ADAM12: variants seen among roughly 807,000 people sequenced by gnomAD.
ADAM12 encodes the protein ADAM metallopeptidase domain 12.
A neutral mutation model predicts 106.4 loss-of-function variants in ADAM12; 70 were observed. That is an observed-to-expected ratio of 0.66 (90% confidence interval 0.54 to 0.80). The LOEUF (loss-of-function observed/expected upper bound fraction) is 0.80, where lower values mean the gene tolerates loss of function less well. Ranked by LOEUF, ADAM12 falls within the 30% of genes least tolerant of loss-of-function variation. The pLI is 0.00. For synonymous variants in ADAM12, 420 were observed against 433.5 expected, an observed-to-expected ratio of 0.97 and a Z score of 0.39; for missense variants, 1,010 against 1,171.9, an observed-to-expected ratio of 0.86 and a Z score of 2.02.
At chr10:126,095,450 C>T (rs1050003223) in intron 10 of ADAM12, among the ~76,000 whole-genome samples, 4 of 140,124 alleles carry the variant, frequency 2.9e-5, no homozygotes, top group Admixed American at 8.0e-5. Context: ...AGGAGAATGG[C>T]GTGAACCCGG....
At chr10:126,247,243 C>T (rs549883098) in intron 3 of ADAM12, among the ~76,000 whole-genome samples, 9 of 152,266 alleles carry the variant, frequency 5.9e-5, no homozygotes, top group Admixed American at 3.9e-4. Context: ...GAATCAAATG[C>T]GTCCTTTACT....
intron 1 of ADAM12, among the ~76,000 whole-genome samples, chr10:126,385,673 G>A (rs1856637694): frequency 6.6e-6 from 1 of 152,056 alleles, no homozygotes; most frequent in Non-Finnish European, 1.5e-5. Context: ...TTTTTTTAAT[G>A]ATGGCACTAC....
At chr10:126,144,905 C>T (rs887405923) in intron 4 of ADAM12, among the ~76,000 whole-genome samples, 3 of 152,114 alleles carry the variant, frequency 2.0e-5, no homozygotes, top group Admixed American at 1.3e-4. Flanking sequence ...GTTAAGTGCT[C>T]GAGCTGGGAT....
intron 3 of ADAM12, among the ~76,000 whole-genome samples, chr10:126,258,837 C>A (rs1958944246): frequency 6.6e-6 from 1 of 152,196 alleles, no homozygotes; most frequent in South Asian, 2.1e-4. Flanking sequence ...ATTGCCCATG[C>A]CCGTAAGCAC....
At chr10:126,224,425 C>T (rs1249989327) in intron 3 of ADAM12, among the ~76,000 whole-genome samples, 2 of 152,256 alleles carry the variant, frequency 1.3e-5, no homozygotes, top group Middle Eastern at 3.4e-3. Context: ...GGACTCTTTC[C>T]CCAGGGCCTT....
chr10:126,152,756 A>G (rs976823962), intron 4 of ADAM12, among the ~76,000 whole-genome samples: 2 of 152,152 alleles, frequency 1.3e-5, no homozygotes, highest in African/African-American at 4.8e-5. Flanking sequence ...TTTACATATA[A>G]TGAGATTAAT....
intron 2 of ADAM12, among the ~76,000 whole-genome samples, chr10:126,321,982 A>G (rs1357646379): frequency 6.6e-6 from 1 of 151,562 alleles, no homozygotes; most frequent in Non-Finnish European, 1.5e-5. Context: ...CAGCGAGCTG[A>G]TATCTATGGA....
chr10:126,360,001 C>T (rs1443444600), intron 1 of ADAM12, among the ~76,000 whole-genome samples: 7 of 152,212 alleles, frequency 4.6e-5, no homozygotes, highest in Non-Finnish European at 8.8e-5. Context: ...ACAGGCTCAA[C>T]ACCACATGGA....
At chr10:126,243,080 G>A (rs1958558965) in intron 3 of ADAM12, among the ~76,000 whole-genome samples, 1 of 152,176 alleles carries the variant, frequency 6.6e-6, no homozygotes, top group Non-Finnish European at 1.5e-5. Flanking sequence ...CACCCTGTCA[G>A]CGCGTGCAGA....
chr10:126,032,393 CAG>C (rs1274830724), intron 21 of ADAM12, among the ~76,000 whole-genome samples: 1 of 152,196 alleles, frequency 6.6e-6, no homozygotes, highest in African/African-American at 2.4e-5. Context: ...AAGTTCCAGA[CAG>C]ACACCAGCCT....
chr10:126,218,236 A>G (rs552306134), intron 3 of ADAM12, among the ~76,000 whole-genome samples: 1 of 152,256 alleles, frequency 6.6e-6, no homozygotes, highest in African/African-American at 2.4e-5. Context: ...TGGAGTGAGA[A>G]GGGACACTAT....
intron 3 of ADAM12, among the ~76,000 whole-genome samples, chr10:126,272,095 C>T (rs1959180293): frequency 6.6e-6 from 1 of 152,220 alleles, no homozygotes; most frequent in African/African-American, 2.4e-5. Context: ...ATACCTTCCC[C>T]TCCTGAGCAC....
At chr10:126,225,491 G>A (rs946842930) in intron 3 of ADAM12, among the ~76,000 whole-genome samples, 6 of 152,188 alleles carry the variant, frequency 3.9e-5, no homozygotes, top group South Asian at 2.1e-4. Flanking sequence ...TCATCCATGC[G>A]TGATCCTGCC....
At chr10:126,161,746 C>T (rs1031718066) in intron 3 of ADAM12, among the ~76,000 whole-genome samples, 2 of 152,082 alleles carry the variant, frequency 1.3e-5, no homozygotes, top group African/African-American at 4.8e-5. Flanking sequence ...GAGTCAAAGT[C>T]CCCTGGAGAG....
At chr10:126,095,533 CAAAA>C (rs11396229) in intron 10 of ADAM12, among the ~76,000 whole-genome samples, 4 of 46,584 alleles carry the variant, frequency 8.6e-5, no homozygotes, top group South Asian at 1.5e-3. Context: ...GACTCTGTCT[CAAAA>C]AAAAAAAAAA....
At chr10:126,223,615 C>A (rs182559346) in intron 3 of ADAM12, among the ~76,000 whole-genome samples, 2 of 152,230 alleles carry the variant, frequency 1.3e-5, no homozygotes, top group African/African-American at 2.4e-5. Flanking sequence ...CCAGCACATG[C>A]CTCTATAGTA....
At chr10:126,192,007 C>G (rs1233734983) in intron 3 of ADAM12, among the ~76,000 whole-genome samples, 1 of 152,100 alleles carries the variant, frequency 6.6e-6, no homozygotes, top group Non-Finnish European at 1.5e-5. Flanking sequence ...TAAACCTGAT[C>G]TGGTGAGCAC....
chr10:126,052,336 C>G (rs553550794), intron 14 of ADAM12, among the ~76,000 whole-genome samples: 1 of 152,224 alleles, frequency 6.6e-6, no homozygotes, highest in Non-Finnish European at 1.5e-5. Context: ...ATACAAGCAG[C>G]TCCTAGTGAC....
intron 3 of ADAM12, among the ~76,000 whole-genome samples, chr10:126,195,329 C>G (rs1434548436): frequency 1.3e-5 from 2 of 152,024 alleles, no homozygotes; most frequent in African/African-American, 4.8e-5. Context: ...AATCCCAGCA[C>G]CTTGGGAGGC....
Sources: allele counts gnomAD v4.1 joint callset (sites outside exome capture counted in the v4.1 genomes callset), GRCh38; gene constraint gnomAD v4.1.1; transcripts MANE v1.5; gene names NCBI Gene and HGNC (gene_info 2026-07-23, HGNC 2026-07-21).